The following NMNAT2 variants were observed in gnomAD, a reference collection of about 807,000 sequenced individuals.
NMNAT2 encodes the protein nicotinamide/nicotinic acid mononucleotide adenylyltransferase 2.
NMNAT2 carries 11 observed loss-of-function variants against 41.6 expected under a neutral mutation model. The observed-to-expected ratio is 0.26, with a 90% CI of 0.17 to 0.44. The LOEUF (loss-of-function observed/expected upper bound fraction) is 0.44, where lower values mean the gene tolerates loss of function less well. Ranked by LOEUF, NMNAT2 falls within the 20% of genes least tolerant of loss-of-function variation. NMNAT2 has a pLI of 1.00. For synonymous variants in NMNAT2, 148 were observed against 151.2 expected (o/e 0.98, Z 0.16); for missense variants, 288 against 407.7 (o/e 0.71, Z 2.53).
intron 1 of NMNAT2, among the ~76,000 whole-genome samples, chr1:183,385,047 A>G (rs1648174513): frequency 6.6e-6 from 1 of 151,922 alleles, no homozygotes; most frequent in Non-Finnish European, 1.5e-5. Context: ...AATAAAAATA[A>G]AAAATAAAAA....
intron 1 of NMNAT2, chr1:183,304,955 AC>A: frequency 8.5e-7 from 1 of 1,170,272 alleles, no homozygotes; most frequent in Non-Finnish European, 1.1e-6. Flanking sequence ...TGCTGAGAGA[AC>A]CTCTCATATG....
At chr1:183,302,373 G>C (rs1239477051) in intron 1 of NMNAT2, among the ~76,000 whole-genome samples, 1 of 152,132 alleles carries the variant, frequency 6.6e-6, no homozygotes, top group Non-Finnish European at 1.5e-5. Flanking sequence ...CCACTGGGAC[G>C]GGGTGGCCTA....
At chr1:183,300,671 C>T (rs902495446) in intron 1 of NMNAT2, among the ~76,000 whole-genome samples, 3 of 152,174 alleles carry the variant, frequency 2.0e-5, no homozygotes, top group African/African-American at 7.2e-5. Context: ...TCCTGCAAAT[C>T]TATAGTTATC....
rs574122817 is a variant in NMNAT2, at chr1:183,254,700, G to A, written c.822-1957C>T. 3.5e-4 allele frequency among the ~76,000 whole-genome samples: 54 copies of A among 152,314 alleles called. 1 individual carries two copies. The highest frequency in any genetic ancestry group is 2.3e-3 in the South Asian group (11 of 4,830). On this transcript the variant is annotated intron_variant, in intron 10 of 10. Coordinates refer to ENST00000287713, the MANE Select transcript of NMNAT2 (RefSeq NM_015039.4). Reference sequence around the variant, plus strand: ...AATCTTTCCACCTCAGCCTCCCAGCGTGCTGGGATTATAGGTATGAGCCAT... The same window carrying A: ...AATCTTTCCACCTCAGCCTCCCAGCATGCTGGGATTATAGGTATGAGCCAT...
chr1:183,316,398 C>A (rs1337333771), intron 1 of NMNAT2, among the ~76,000 whole-genome samples: 1 of 152,198 alleles, frequency 6.6e-6, no homozygotes, highest in Non-Finnish European at 1.5e-5. Context: ...CTGTCTCCTG[C>A]AGGCCCTCCA....
chr1:183,340,139 T>C (rs1408207431), intron 1 of NMNAT2, among the ~76,000 whole-genome samples: 2 of 152,148 alleles, frequency 1.3e-5, no homozygotes, highest in Admixed American at 1.3e-4. Context: ...GCTCTCCCCT[T>C]CTGGGGTGCT....
At chr1:183,318,135 T>G (rs1662292037) in intron 1 of NMNAT2, among the ~76,000 whole-genome samples, 1 of 152,150 alleles carries the variant, frequency 6.6e-6, no homozygotes, top group Non-Finnish European at 1.5e-5. Flanking sequence ...AGTGGGAAAT[T>G]GGGCTTCGAC....
intron 3 of NMNAT2, 138 bp from the exon 4 acceptor site, chr1:183,290,344 C>T (rs1008627117): frequency 7.8e-6 from 5 of 637,984 alleles, no homozygotes; most frequent in Middle Eastern, 2.6e-4. Context: ...CAGATAAAAC[C>T]TGGGTGTGAA....
At chr1:183,336,322 G>A (rs1273882456) in intron 1 of NMNAT2, among the ~76,000 whole-genome samples, 2 of 152,122 alleles carry the variant, frequency 1.3e-5, no homozygotes, top group Non-Finnish European at 1.5e-5. Flanking sequence ...ACATGACAAA[G>A]TACTCAGTGT....
chr1:183,361,278 G>A (rs2811558), intron 1 of NMNAT2, among the ~76,000 whole-genome samples: 1 of 151,790 alleles, frequency 6.6e-6, no homozygotes, highest in Non-Finnish European at 1.5e-5. Flanking sequence ...TCGCCATGTG[G>A]TCCACACTTG....
At chr1:183,392,140 C>A (rs927332539) in intron 1 of NMNAT2, among the ~76,000 whole-genome samples, 1 of 152,202 alleles carries the variant, frequency 6.6e-6, no homozygotes, top group African/African-American at 2.4e-5. Flanking sequence ...ACTTGAATGT[C>A]TAATCATCCT....
chr1:183,362,932 T>G (rs967947504), intron 1 of NMNAT2, among the ~76,000 whole-genome samples: 2 of 152,190 alleles, frequency 1.3e-5, no homozygotes, highest in African/African-American at 2.4e-5. Context: ...CTCATACAAT[T>G]TCTCTACATC....
intron 1 of NMNAT2, among the ~76,000 whole-genome samples, chr1:183,362,437 C>T (rs775920556): frequency 2.2e-4 from 34 of 152,184 alleles, no homozygotes; most frequent in Non-Finnish European, 8.8e-5. Context: ...CGCCCCCTGG[C>T]CCTGCAGTCC....
intron 1 of NMNAT2, among the ~76,000 whole-genome samples, chr1:183,344,104 C>T (rs995361725): frequency 6.6e-6 from 1 of 152,174 alleles, no homozygotes; most frequent in Admixed American, 6.5e-5. Context: ...TGCTGAGAAG[C>T]TTTCCTAAAT....
intron 1 of NMNAT2, among the ~76,000 whole-genome samples, chr1:183,390,039 T>C (rs975402642): frequency 6.6e-6 from 1 of 151,952 alleles, no homozygotes; most frequent in African/African-American, 2.4e-5. Flanking sequence ...TATAGAACAT[T>C]GTTTCTGTGG....
At position 183,398,128 on chromosome 1, in the gene NMNAT2, G is replaced by A. The variant is rs145025237; in HGVS notation, c.85+20055C>T. On this transcript the variant is annotated intron_variant, in intron 1 of 10. Transcript: ENST00000287713. ...GACACAGACTGGCAAATTGGATAAA[G>A]AGTCAAGACCTATCAGTGTGCCATA... is the stretch of plus-strand genomic sequence containing the variant. 5.3e-3 allele frequency among the ~76,000 whole-genome samples: 801 copies of A among 152,276 alleles called. 5 individuals carry two copies. The highest frequency in any genetic ancestry group is 0.018 in the African/African-American group (765 of 41,576).
At chr1:183,272,484 G>A (rs974890260) in intron 8 of NMNAT2, among the ~76,000 whole-genome samples, 3 of 152,216 alleles carry the variant, frequency 2.0e-5, no homozygotes, top group African/African-American at 7.2e-5. Context: ...TAAGGGGAAG[G>A]GTGTGTCACT....
intron 10 of NMNAT2, among the ~76,000 whole-genome samples, 177 bp downstream of exon 10, chr1:183,260,819 CAAAAAA>C (rs35660466): frequency 1.3e-5 from 1 of 74,994 alleles, no homozygotes; most frequent in African/African-American, 5.6e-5. Flanking sequence ...GACGCTGTCT[CAAAAAA>C]AAAAAAAAAA....
chr1:183,316,576 C>A (rs781005429), intron 1 of NMNAT2, among the ~76,000 whole-genome samples: 1 of 152,204 alleles, frequency 6.6e-6, no homozygotes, highest in African/African-American at 2.4e-5. Context: ...GCCAGCCCCC[C>A]ACCAGGCACC....
Sources: allele counts gnomAD v4.1 joint callset (sites outside exome capture counted in the v4.1 genomes callset), GRCh38; gene constraint gnomAD v4.1.1; transcripts MANE v1.5; gene names NCBI Gene and HGNC (gene_info 2026-07-23, HGNC 2026-07-21).